Variants in CAD observed in about 807,000 individuals in gnomAD.
CAD encodes the protein multifunctional protein CAD.
In CAD, 81 loss-of-function variants were observed where a neutral mutation model predicts 237.2. The observed-to-expected ratio is 0.34, with a 90% CI of 0.29 to 0.41. The LOEUF is 0.41. CAD is among the 10% of genes least tolerant of loss of function. CAD has a pLI of 1.00. For missense variants in CAD, 2,181 were observed against 2,951.7 expected (o/e 0.74, Z 6.05); for synonymous variants, 1,196 against 1,162.8 (o/e 1.03, Z -0.58).
At position 27,240,760 on chromosome 2, in the gene CAD, G is replaced by A; in HGVS notation, c.5594-151G>A. ...AAGCCACCTGTCTGTCCCCAGAGCT[G>A]CTGCAGTCCCCTGCCCTCCCCTAAC... On this transcript the variant is annotated intron_variant, in intron 35 of 43. Coordinates refer to ENST00000264705, the MANE Select transcript of CAD (RefSeq NM_004341.5). This position sits in a 1 kb window ranked among gnomAD's most constrained non-coding sequence, Gnocchi z 4.6. 1 of 1,168,530 alleles carries A rather than the reference G, an allele frequency of 8.6e-7. No individual in the cohort carries two copies. The highest frequency in any genetic ancestry group is 1.2e-6 in the Non-Finnish European group (1 of 810,886). The allele number at this position is 1,168,530 out of a possible 1,614,324, so 72.4% of individuals were successfully genotyped here. A position where few individuals can be genotyped will look rare whatever the true frequency, so the allele number is the denominator to read the frequency against.
intron 15 of CAD, among the ~76,000 whole-genome samples, chr2:27,228,830 T>TC (rs1483667583): frequency 6.6e-6 from 1 of 152,006 alleles, no homozygotes; most frequent in Non-Finnish European, 1.5e-5. Context: ...GCTCAGGTGA[T>TC]CCACCCACCT....
Position 27,232,970 on chromosome 2 carries a change from A to C in CAD, c.2893-72A>C, listed in dbSNP as rs980694971. On this transcript the variant is annotated intron_variant, in intron 18 of 43. Coordinates refer to ENST00000264705, the MANE Select transcript of CAD (RefSeq NM_004341.5). This position sits in a 1 kb window ranked among gnomAD's most constrained non-coding sequence, Gnocchi z 4.1. ...GTCTCTGAAGTAGGGGCTTTGGCTT[A>C]GTTTCTCCACGATTTTCTCCACGAT... 9.5e-7 allele frequency: 1 copy of C among 1,049,002 alleles called. No homozygotes were observed. The highest frequency in any genetic ancestry group is 1.6e-5 in the African/African-American group (1 of 64,040). 65.0% of individuals were successfully genotyped at this position (1,049,002 alleles called of 1,614,324 possible). A position where few individuals can be genotyped will look rare whatever the true frequency, so the allele number is the denominator to read the frequency against.
At chr2:27,219,513 T>C (rs1381663771) in intron 2 of CAD, among the ~76,000 whole-genome samples, 1 of 152,160 alleles carries the variant, frequency 6.6e-6, no homozygotes, top group Non-Finnish European at 1.5e-5. Context: ...TGGCTACTTT[T>C]TTTGTATTTT....
intron 15 of CAD, among the ~76,000 whole-genome samples, chr2:27,228,421 C>T (rs1675546407): frequency 6.6e-6 from 1 of 152,162 alleles, no homozygotes. Flanking sequence ...AGGAGATTAT[C>T]CAAAACAGAA....
At position 27,225,723 on chromosome 2, in the gene CAD, C is replaced by T. The variant is rs1027111091; in HGVS notation, c.1639C>T (p.Arg547Trp). The part of the protein sequence containing the change: ...SLEQAQAAAE[R>W]LGYPVLVRAA... ...ATTGCAGGCCCAGGCAGCCGCTGAA[C>T]GGCTGGGGTACCCTGTGCTAGTGCG... The change falls in exon 12 of 44, where the codon CGG (arginine) becomes TGG (tryptophan). Residue 547 changes from arginine to tryptophan, a missense_variant. By Grantham distance (101) the Arg-to-Trp change is moderately radical. This residue lies in a region of CAD where 174 missense variants were observed against 215.8 expected (regional missense o/e 0.81). Transcript: ENST00000264705. 8 of 1,613,798 alleles carry T rather than the reference C, an allele frequency of 5.0e-6. No individual in the cohort carries two copies. Among genetic ancestry groups the T allele is most frequent in the East Asian group, 4.5e-5 (2 of 44,888 alleles).
Position 27,236,804 on chromosome 2 carries a change from C to T in CAD, c.4370C>T (p.Thr1457Ile), listed in dbSNP as rs1676032449. Residue 1457 changes from threonine to isoleucine, a missense_variant, in exon 27 of 44, where the codon ACC becomes ATC. Physicochemically the swap from Thr to Ile is moderately conservative, Grantham distance 89. Transcript: ENST00000264705. This position sits in a 1 kb window ranked among gnomAD's most constrained non-coding sequence, Gnocchi z 4.1. ...TTGAAGGTGCATGTTGACTGTATGA[C>T]CTCCCAAAAGCTTGTGCGACTGCCG... Reference protein sequence around the residue: ...PPLKVHVDCMTSQKLVRLPGL... With the variant: ...PPLKVHVDCMISQKLVRLPGL... The T allele has an allele frequency of 6.2e-7, 1 of 1,613,994 alleles. No individual in the cohort carries two copies. The highest frequency in any genetic ancestry group is 1.3e-5 in the African/African-American group (1 of 74,908).
chr2:27,221,411 G>T, intron 3 of CAD, 64 bp downstream of exon 3: 1 of 1,362,986 alleles, frequency 7.3e-7, no homozygotes, highest in Non-Finnish European at 9.6e-7. Flanking sequence ...AAGAATCAAG[G>T]TTTCTGTAAT....
Position 27,226,190 on chromosome 2 carries a change from G to A in CAD, c.1902G>A (p.Val634=), listed in dbSNP as rs1263696418. ...LGIHTGESIV[V]APSQTLNDRE... is the part of the protein sequence containing the mutation. ...TCCACACTGGTGAGTCCATAGTGGT[G>A]GCCCCTAGCCAGACACTGAATGACA... Residue 634 remains valine, a synonymous_variant, in exon 13 of 44, where the codon GTG becomes GTA. Transcript: ENST00000264705. 6.2e-7 allele frequency: 1 copy of A among 1,614,098 alleles called. No individual in the cohort carries two copies. The highest frequency in any genetic ancestry group is 1.7e-5 in the Admixed American group (1 of 60,030).
intron 23 of CAD, 43 bp downstream of exon 23, chr2:27,234,728 G>T (rs899205546): frequency 6.4e-7 from 1 of 1,573,674 alleles, no homozygotes; most frequent in Non-Finnish European, 8.7e-7. Flanking sequence ...AAAAATAGCG[G>T]GAGAGAGTTC....
At position 27,221,326 on chromosome 2, in the gene CAD, C is replaced by A; in HGVS notation, c.331C>A (p.His111Asn). 6.3e-7 allele frequency: 1 copy of A among 1,577,496 alleles called. No homozygotes were observed. Among genetic ancestry groups the A allele is most frequent in the Non-Finnish European group, 8.6e-7 (1 of 1,162,972 alleles). The part of the protein sequence containing the change: ...TRTLHEWLQQ[H>N]GIPGLQGVDT... ...CACCCTGCATGAGTGGCTGCAGCAG[C>A]ATGGCATCCCTGGCTTGCAAGGTAT... Residue 111 changes from histidine (H) to asparagine (N), a missense_variant, in exon 3 of 44, where the codon CAT becomes AAT. His to Asn is a moderately conservative substitution (Grantham distance 68). This residue lies in a region of CAD where 314 missense variants were observed against 339.4 expected (regional missense o/e 0.93). Coordinates refer to ENST00000264705, the MANE Select transcript of CAD (RefSeq NM_004341.5).
At position 27,232,234 on chromosome 2, in the gene CAD, G is replaced by A; in HGVS notation, c.2645+10G>A. 7 of 1,612,896 alleles carry A rather than the reference G, an allele frequency of 4.3e-6. No homozygotes were observed. Among genetic ancestry groups the A allele is most frequent in the Non-Finnish European group, 5.9e-6 (7 of 1,179,514 alleles). Reference sequence around the variant, plus strand: ...CCCTTGCAGTTCTGAGGTCAGAGGTGGCAATGAGAGCTTCCGGCTGGGAAA... The same window carrying A: ...CCCTTGCAGTTCTGAGGTCAGAGGTAGCAATGAGAGCTTCCGGCTGGGAAA... On this transcript the variant is annotated intron_variant, in intron 17 of 43. Transcript: ENST00000264705. The surrounding 1 kb of genome is among the most constrained non-coding windows in gnomAD (Gnocchi z 4.1).
At position 27,221,213 on chromosome 2, in the gene CAD, T is replaced by A; in HGVS notation, c.223-5T>A. 1 of 1,524,204 alleles carries A rather than the reference T, an allele frequency of 6.6e-7. No homozygotes were observed. The highest frequency in any genetic ancestry group is 8.8e-7 in the Non-Finnish European group (1 of 1,130,520). 94.4% of individuals were successfully genotyped at this position (1,524,204 alleles called of 1,614,324 possible). ...AGGCTTCTCACAATCTCTTTCCATCTACAGTGGTTTGAATCCTCGGGCATC... is the reference window on the plus strand; with the variant it reads ...AGGCTTCTCACAATCTCTTTCCATCAACAGTGGTTTGAATCCTCGGGCATC... On this transcript the variant is annotated splice_polypyrimidine_tract_variant and splice_region_variant and intron_variant, in intron 2 of 43. Transcript: ENST00000264705.
At chr2:27,220,832 C>T (rs935640846) in intron 2 of CAD, among the ~76,000 whole-genome samples, 2 of 152,008 alleles carry the variant, frequency 1.3e-5, no homozygotes, top group Non-Finnish European at 2.9e-5. Context: ...GTGGCGGGCG[C>T]CTGTAGTCCC....
At chr2:27,234,426 C>A in intron 22 of CAD, 92 bp from the exon 23 acceptor site, 2 of 1,334,868 alleles carry the variant, frequency 1.5e-6, no homozygotes, top group Non-Finnish European at 2.1e-6. Context: ...TCTGATCCCC[C>A]AGAGCTGAGG....
At position 27,238,100 on chromosome 2, in the gene CAD, A is replaced by C; in HGVS notation, c.4773A>C (p.Ala1591=). 1 of 1,614,024 alleles carries C rather than the reference A, an allele frequency of 6.2e-7. No homozygotes were observed. Among genetic ancestry groups the C allele is most frequent in the Non-Finnish European group, 8.5e-7 (1 of 1,180,000 alleles). ...CCCACCTCCCCATTGTGGCTCACGC[A>C]GAGCAGCAAACCGTGGCTGCTGTCC... ...WPSHLPIVAH[A]EQQTVAAVLM... The change falls in exon 30 of 44, where the codon GCA becomes GCC. Residue 1591 remains alanine (A), a synonymous_variant. Coordinates refer to ENST00000264705, the MANE Select transcript of CAD (RefSeq NM_004341.5).
rs756915889 is a variant in CAD, at chr2:27,232,047, T to A, written c.2468T>A (p.Val823Glu). 9 of 1,614,238 alleles carry A rather than the reference T, an allele frequency of 5.6e-6. No individual in the cohort carries two copies. The highest frequency in any genetic ancestry group is 3.3e-5 in the Admixed American group (2 of 60,018). Residue 823 changes from valine (V) to glutamate (E), a missense_variant, in exon 17 of 44, where the codon GTG becomes GAG. Physicochemically the swap from Val to Glu is moderately radical, Grantham distance 121. This residue lies in a region of CAD where 385 missense variants were observed against 535.1 expected (regional missense o/e 0.72). Coordinates refer to ENST00000264705, the MANE Select transcript of CAD (RefSeq NM_004341.5). This position sits in a 1 kb window ranked among gnomAD's most constrained non-coding sequence, Gnocchi z 4.1. ...VAAALWAGYS[V>E]DRLYELTRID... ...GCTGCTTTGTGGGCTGGTTATTCAG[T>A]GGACCGCCTGTATGAGCTCACACGC...
intron 30 of CAD, 99 bp from the exon 31 acceptor site, chr2:27,238,332 A>G: frequency 6.9e-7 from 1 of 1,454,770 alleles, no homozygotes; most frequent in East Asian, 2.3e-5. Context: ...TTGCAGGTCT[A>G]CATCATCATT....
At position 27,238,622 on chromosome 2, in the gene CAD, C is replaced by T. The variant is rs1338881442; in HGVS notation, c.5052C>T (p.Ala1684=). 2 of 1,610,654 alleles carry T rather than the reference C, an allele frequency of 1.2e-6. No homozygotes were observed. Among genetic ancestry groups the T allele is most frequent in the South Asian group, 2.2e-5 (2 of 90,432 alleles). ...WENMAVIDCF[A]SDHAPHTLEE... is the part of the protein sequence containing the mutation. Reference sequence around the variant, plus strand: ...ACATGGCTGTCATCGACTGCTTTGCCTCAGACCATGGTGAGAGAATCCAGC... The same window carrying T: ...ACATGGCTGTCATCGACTGCTTTGCTTCAGACCATGGTGAGAGAATCCAGC... Residue 1684 remains alanine (A), a synonymous_variant, in exon 31 of 44, where the codon GCC becomes GCT. Transcript: ENST00000264705.
chr2:27,242,565 G>A lies in CAD; in HGVS notation c.6223-55G>A, dbSNP rs1676372679. 6.4e-7 allele frequency: 1 copy of A among 1,559,866 alleles called. No individual in the cohort carries two copies. Among genetic ancestry groups the A allele is most frequent in the African/African-American group, 1.4e-5 (1 of 73,850 alleles). ...CAGAGGCTTTTAAAAGCTTGGAAAT[G>A]ATGTCGGGGGGCACTCAGTCTGGGA... On this transcript the variant is annotated intron_variant, in intron 40 of 43. Coordinates refer to ENST00000264705, the MANE Select transcript of CAD (RefSeq NM_004341.5). This position sits in a 1 kb window ranked among gnomAD's most constrained non-coding sequence, Gnocchi z 6.4.
Sources: allele counts gnomAD v4.1 joint callset (sites outside exome capture counted in the v4.1 genomes callset), GRCh38; gene constraint gnomAD v4.1.1; regional missense constraint gnomAD v4.1.1; non-coding constraint Gnocchi (gnomAD v3.1); transcripts MANE v1.5; gene names NCBI Gene and HGNC (gene_info 2026-07-23, HGNC 2026-07-21).